KHDRBS3: variants seen among roughly 807,000 people sequenced by gnomAD.
The protein encoded by KHDRBS3 is KH RNA binding domain containing, signal transduction associated 3, also known as KH domain-containing, RNA-binding, signal transduction-associated protein 3.
Under a neutral mutation model 45.6 loss-of-function variants are expected in KHDRBS3, and 23 were observed. The observed-to-expected ratio is 0.50, with a 90% CI of 0.36 to 0.72. KHDRBS3 has a LOEUF of 0.72. KHDRBS3 is among the 30% of genes least tolerant of loss of function. KHDRBS3 has a pLI of 0.00. For missense variants in KHDRBS3, 352 were observed against 424.8 expected (o/e 0.83, Z 1.51); for synonymous variants, 162 against 156.5 (o/e 1.04, Z -0.26).
intron 2 of KHDRBS3, among the ~76,000 whole-genome samples, chr8:135,537,158 C>T (rs899627116): frequency 3.9e-5 from 6 of 152,016 alleles, no homozygotes; most frequent in Admixed American, 2.0e-4. Flanking sequence ...TGAGTTACTG[C>T]GAAGACAGTG....
chr8:135,541,618 G>A (rs528534560), intron 2 of KHDRBS3: 23 of 152,284 alleles, frequency 1.5e-4, no homozygotes, highest in African/African-American at 5.5e-4. Flanking sequence ...AGAAACAGCA[G>A]CACAGCAGTG....
chr8:135,613,661 G>A (rs1175802558), intron 7 of KHDRBS3, among the ~76,000 whole-genome samples: 1 of 151,676 alleles, frequency 6.6e-6, no homozygotes, highest in African/African-American at 2.4e-5. Context: ...CAAGGACTGT[G>A]CGAGCAAATG....
At chr8:135,627,661 A>G (rs972854371) in intron 7 of KHDRBS3, among the ~76,000 whole-genome samples, 1 of 152,140 alleles carries the variant, frequency 6.6e-6, no homozygotes, top group African/African-American at 2.4e-5. Context: ...ATTTATCTGA[A>G]AAAAAATAGT....
intron 7 of KHDRBS3, among the ~76,000 whole-genome samples, chr8:135,611,915 A>G (rs1183364066): frequency 6.6e-6 from 1 of 151,834 alleles, no homozygotes; most frequent in Non-Finnish European, 1.5e-5. Context: ...AGATTTTCAG[A>G]TCATCCCCAG....
chr8:135,536,995 AAAGG>A lies in KHDRBS3; in HGVS notation c.208-5657_208-5654del, dbSNP rs1563751915. ...AAAAAAAAAAAAAAAAAAAAAAAAA[AAAGG>A]AGATGTTTAGGAGGTAAAATCATTA... On this transcript the variant is annotated intron_variant, in intron 2 of 8. Transcript: ENST00000355849. Among the ~76,000 whole-genome samples, 12 of 16,538 alleles carry A rather than the reference AAAGG, an allele frequency of 7.3e-4. 1 individual carries two copies. The highest frequency in any genetic ancestry group is 8.8e-3 in the East Asian group (1 of 114). The allele number at this position is 16,538 out of a possible 152,430, so 10.8% of individuals were successfully genotyped here.
At chr8:135,612,370 T>C (rs911605633) in intron 7 of KHDRBS3, among the ~76,000 whole-genome samples, 3 of 151,954 alleles carry the variant, frequency 2.0e-5, no homozygotes, top group African/African-American at 7.3e-5. Context: ...ATAGGGAATT[T>C]AATTTATATT....
intron 2 of KHDRBS3, among the ~76,000 whole-genome samples, chr8:135,534,700 A>G (rs1380217356): frequency 6.6e-6 from 1 of 152,140 alleles, no homozygotes; most frequent in African/African-American, 2.4e-5. Context: ...ATGACCATAC[A>G]TGCAAGCCTT....
At chr8:135,625,554 G>A (rs1365979775) in intron 7 of KHDRBS3, 3 of 919,746 alleles carry the variant, frequency 3.3e-6, no homozygotes, top group Non-Finnish European at 5.5e-6. Flanking sequence ...TTCAGAGCTG[G>A]AGCAACGAGA....
intron 5 of KHDRBS3, among the ~76,000 whole-genome samples, chr8:135,575,333 C>G (rs1827901756): frequency 6.6e-6 from 1 of 152,184 alleles, no homozygotes. Flanking sequence ...CTGTCCTTCC[C>G]CAGCTCCATA....
At chr8:135,595,301 TG>T (rs758371713) in intron 6 of KHDRBS3, among the ~76,000 whole-genome samples, 7 of 152,182 alleles carry the variant, frequency 4.6e-5, no homozygotes, top group Non-Finnish European at 8.8e-5. Context: ...CTGTGTGGCT[TG>T]GTTGTATTCA....
At chr8:135,592,762 G>T (rs201122792) in intron 6 of KHDRBS3, among the ~76,000 whole-genome samples, 1 of 152,156 alleles carries the variant, frequency 6.6e-6, no homozygotes, top group Admixed American at 6.5e-5. Flanking sequence ...TCGAACTCTG[G>T]TTATATAGCA....
At chr8:135,512,341 T>TA (rs1824330155) in intron 1 of KHDRBS3, among the ~76,000 whole-genome samples, 1 of 150,578 alleles carries the variant, frequency 6.6e-6, no homozygotes, top group Non-Finnish European at 1.5e-5. Flanking sequence ...TTGAGCATCT[T>TA]ATATGAGCTT....
intron 5 of KHDRBS3, among the ~76,000 whole-genome samples, chr8:135,572,655 T>C (rs1391457044): frequency 6.6e-6 from 1 of 152,242 alleles, no homozygotes; most frequent in Non-Finnish European, 1.5e-5. Flanking sequence ...CACTCTGGCC[T>C]AAAACAAGGT....
Position 135,457,968 on chromosome 8 carries a change from C to T in KHDRBS3, c.88+14C>T. 3 of 1,579,200 alleles carry T rather than the reference C, an allele frequency of 1.9e-6. No homozygotes were observed. The highest frequency in any genetic ancestry group is 1.7e-6 in the Non-Finnish European group (2 of 1,163,888). Reference sequence around the variant, plus strand: ...TGGTGAACCAAGGTGAGGCGCCGGCCGTTAACTGCCGGCCGGCGGCGGTTG... The same window carrying T: ...TGGTGAACCAAGGTGAGGCGCCGGCTGTTAACTGCCGGCCGGCGGCGGTTG... On this transcript the variant is annotated intron_variant, in intron 1 of 8. Coordinates refer to ENST00000355849, the MANE Select transcript of KHDRBS3 (RefSeq NM_006558.3). This position sits in a 1 kb window ranked among gnomAD's most constrained non-coding sequence, Gnocchi z 4.4.
At chr8:135,472,414 C>A (rs1407639522) in intron 1 of KHDRBS3, among the ~76,000 whole-genome samples, 1 of 152,184 alleles carries the variant, frequency 6.6e-6, no homozygotes, top group Non-Finnish European at 1.5e-5. Flanking sequence ...AGACTCCAGG[C>A]CCTAGAGAGC....
chr8:135,625,705 C>A, intron 7 of KHDRBS3: 1 of 788,908 alleles, frequency 1.3e-6, no homozygotes, highest in South Asian at 1.4e-5. Flanking sequence ...AATTTGTCCA[C>A]AGGAATTATT....
At chr8:135,604,891 A>G (rs527658790) in intron 6 of KHDRBS3, among the ~76,000 whole-genome samples, 1 of 151,432 alleles carries the variant, frequency 6.6e-6, no homozygotes, top group South Asian at 2.1e-4. Flanking sequence ...TTTGAAGGAT[A>G]GTTTTGCTGG....
chr8:135,497,590 A>C (rs763697919), intron 1 of KHDRBS3, among the ~76,000 whole-genome samples: 1 of 152,202 alleles, frequency 6.6e-6, no homozygotes, highest in Admixed American at 6.5e-5. Flanking sequence ...CACAGGCACA[A>C]ATTATAAGGT....
Position 135,548,810 on chromosome 8 carries a change from C to T in KHDRBS3, c.381C>T (p.Leu127=). Residue 127 remains leucine (L), a synonymous_variant, in exon 4 of 9, where the codon CTC becomes CTT. Coordinates refer to ENST00000355849, the MANE Select transcript of KHDRBS3 (RefSeq NM_006558.3). ...EAKYFHLNDD[L]HVLIEVFAPP... ...AGTACTTCCATCTCAATGATGATCT[C>T]CATGTTCTCATTGAAGTGTTTGCCC... is the stretch of plus-strand genomic sequence containing the variant. The T allele has an allele frequency of 6.2e-7, 1 of 1,601,406 alleles. No individual in the cohort carries two copies. The highest frequency in any genetic ancestry group is 8.5e-7 in the Non-Finnish European group (1 of 1,173,036).
Sources: gnomAD v4.1 joint callset for allele counts (sites outside exome capture counted in the v4.1 genomes callset) on GRCh38, gnomAD v4.1.1 for gene constraint, Gnocchi (gnomAD v3.1) non-coding constraint, MANE v1.5 for transcripts, NCBI Gene and HGNC (gene_info 2026-07-23, HGNC 2026-07-21) for gene names.